FBXW10B: variants seen among roughly 807,000 people sequenced by gnomAD.
FBXW10B encodes the protein F-box and WD repeat domain containing 10B, also known as F-box and WD repeat domain containing protein 10B.
the FBXW10B span, among the ~76,000 whole-genome samples, chr17:15,612,006 G>A: frequency 1.8e-4 from 28 of 152,130 alleles, no homozygotes; most frequent in African/African-American, 6.3e-4. Flanking sequence ...CCCTCCCCTC[G>A]GGTCCTCCTC....
chr17:15,584,822 C>T, the FBXW10B span, among the ~76,000 whole-genome samples: 1 of 152,168 alleles, frequency 6.6e-6, no homozygotes, highest in Non-Finnish European at 1.5e-5. Flanking sequence ...CAACAAAGGT[C>T]AGAAACTAAA....
chr17:15,613,015 A>G, the FBXW10B span: 1 of 245,226 alleles, frequency 4.1e-6, no homozygotes, highest in Non-Finnish European at 6.5e-6. Context: ...AGAAAAATAA[A>G]CACCAAATGC....
chr17:15,609,859 T>C, the FBXW10B span, among the ~76,000 whole-genome samples: 11 of 137,300 alleles, frequency 8.0e-5, no homozygotes, highest in African/African-American at 2.3e-4. Context: ...TTTCTTTTTT[T>C]TTTTTTTTTT....
the FBXW10B span, among the ~76,000 whole-genome samples, chr17:15,594,213 C>T: frequency 6.6e-6 from 1 of 152,026 alleles, no homozygotes; most frequent in African/African-American, 2.4e-5. Flanking sequence ...TGGCTCACGC[C>T]TGTAATCCCA....
At chr17:15,571,262 T>C in the FBXW10B span, among the ~76,000 whole-genome samples, 1 of 151,910 alleles carries the variant, frequency 6.6e-6, no homozygotes, top group Admixed American at 6.6e-5. Context: ...GGAGGATCAC[T>C]TGAGCCCAGG....
chr17:15,610,212 G>A, the FBXW10B span, among the ~76,000 whole-genome samples: 22 of 152,152 alleles, frequency 1.4e-4, no homozygotes, highest in Non-Finnish European at 2.4e-4. Context: ...AGAGAAAGGC[G>A]AAGGGTGGCT....
the FBXW10B span, chr17:15,571,862 A>G: frequency 1.3e-5 from 2 of 152,230 alleles, no homozygotes; most frequent in East Asian, 1.9e-4. Context: ...AAGTGAAAGA[A>G]GACAGAGACA....
At chr17:15,614,644 AG>A in the FBXW10B span, among the ~76,000 whole-genome samples, 5 of 152,166 alleles carry the variant, frequency 3.3e-5, no homozygotes, top group Non-Finnish European at 5.9e-5. Context: ...AACTTAAGAA[AG>A]GGGGGAAAAT....
chr17:15,594,768 C>G, the FBXW10B span: 44 of 1,613,926 alleles, frequency 2.7e-5, no homozygotes, highest in Admixed American at 1.8e-4. Context: ...TGAAGGCCAT[C>G]AGGCAGCGCT....
At chr17:15,609,985 C>T in the FBXW10B span, among the ~76,000 whole-genome samples, 5 of 151,468 alleles carry the variant, frequency 3.3e-5, 1 homozygote, top group Admixed American at 1.3e-4. Flanking sequence ...CTCAGCCTCC[C>T]GGGTAGCTGG....
the FBXW10B span, chr17:15,573,626 T>C: frequency 1.3e-5 from 2 of 155,456 alleles, no homozygotes; most frequent in East Asian, 1.9e-4. Context: ...CTCCACTGTT[T>C]CAAGAAATTG....
At chr17:15,588,198 C>G in the FBXW10B span, among the ~76,000 whole-genome samples, 1 of 152,192 alleles carries the variant, frequency 6.6e-6, no homozygotes, top group African/African-American at 2.4e-5. Flanking sequence ...AGTCACGTTA[C>G]GGCACTGGTA....
At chr17:15,589,539 A>T in the FBXW10B span, among the ~76,000 whole-genome samples, 1 of 151,348 alleles carries the variant, frequency 6.6e-6, no homozygotes, top group East Asian at 1.9e-4. Context: ...ATTAGTTTCT[A>T]ATTTATTTTT....
At chr17:15,592,791 C>T in the FBXW10B span, among the ~76,000 whole-genome samples, 1 of 151,990 alleles carries the variant, frequency 6.6e-6, no homozygotes, top group Admixed American at 6.6e-5. Context: ...GCAATTCCCA[C>T]AAACACCTAG....
the FBXW10B span, among the ~76,000 whole-genome samples, chr17:15,600,132 C>T: frequency 6.6e-6 from 1 of 151,050 alleles, no homozygotes; most frequent in Non-Finnish European, 1.5e-5. Context: ...AGGAGAATGG[C>T]GTGAACCTGG....
At chr17:15,615,589 A>G in the FBXW10B span, 1 of 1,606,394 alleles carries the variant, frequency 6.2e-7, no homozygotes, top group African/African-American at 1.3e-5. Flanking sequence ...CTGGGATTAC[A>G]GGCGTGAGCC....
chr17:15,589,827 C>T, the FBXW10B span, among the ~76,000 whole-genome samples: 1 of 152,060 alleles, frequency 6.6e-6, no homozygotes, highest in Admixed American at 6.5e-5. Context: ...CTGTAAGCCA[C>T]ATTTCTGAAA....
chr17:15,588,651 A>G, the FBXW10B span: 2 of 577,020 alleles, frequency 3.5e-6, no homozygotes, highest in Non-Finnish European at 6.2e-6. Context: ...AATCAAGAAG[A>G]GCAGCCAGAG....
At chr17:15,569,226 T>C in the FBXW10B span, 3 of 203,070 alleles carry the variant, frequency 1.5e-5, no homozygotes, top group East Asian at 3.7e-4. Flanking sequence ...CTATTTTCCA[T>C]AGAGGCTATA....
Sources: gnomAD v4.1 joint callset for allele counts (sites outside exome capture counted in the v4.1 genomes callset) on GRCh38, gnomAD v4.1.1 for gene constraint, MANE v1.5 for transcripts, NCBI Gene and HGNC (gene_info 2026-07-23, HGNC 2026-07-21) for gene names.